Variants in SVIL observed in about 807,000 individuals in gnomAD.
The protein encoded by SVIL is archvillin.
Under a neutral mutation model 240.4 loss-of-function variants are expected in SVIL, and 101 were observed. The observed-to-expected ratio is 0.42, with a 90% CI of 0.36 to 0.50. The LOEUF is 0.50. SVIL is among the 20% of genes least tolerant of loss of function. The pLI is 0.01. For missense variants in SVIL, 2,512 were observed against 2,818.7 expected (o/e 0.89, Z 2.46); for synonymous variants, 999 against 1,100.0 (o/e 0.91, Z 1.82).
chr10:29,526,305 C>CTTTTTTT (rs36004446), intron 13 of SVIL, among the ~76,000 whole-genome samples: 56 of 114,994 alleles, frequency 4.9e-4, no homozygotes, highest in Non-Finnish European at 6.7e-4. Flanking sequence ...TTTTCTCTTT[C>CTTTTTTT]TTTTTTTTTT....
intron 1 of SVIL, among the ~76,000 whole-genome samples, chr10:29,717,376 G>A (rs1462059116): frequency 6.6e-6 from 1 of 151,572 alleles, no homozygotes; most frequent in Non-Finnish European, 1.5e-5. Context: ...AGCTAGAGAG[G>A]CAGGAGAATT....
intron 34 of SVIL, among the ~76,000 whole-genome samples, chr10:29,464,629 A>G (rs953963520): frequency 1.3e-5 from 2 of 152,036 alleles, no homozygotes; most frequent in East Asian, 3.9e-4. Flanking sequence ...CCACACTTTA[A>G]AAGCCCAGTG....
At chr10:29,526,414 C>T (rs978313038) in intron 13 of SVIL, among the ~76,000 whole-genome samples, 11 of 149,124 alleles carry the variant, frequency 7.4e-5, no homozygotes, top group African/African-American at 2.7e-4. Flanking sequence ...AAGCGATTCT[C>T]CTGCCTCAGT....
chr10:29,609,317 C>A (rs533772513), intron 1 of SVIL, among the ~76,000 whole-genome samples: 2 of 152,214 alleles, frequency 1.3e-5, no homozygotes, highest in Non-Finnish European at 2.9e-5. Context: ...GGGGCCCAGA[C>A]CTCAGAGCTG....
chr10:29,709,513 G>A (rs1456677455), intron 1 of SVIL, among the ~76,000 whole-genome samples: 1 of 152,202 alleles, frequency 6.6e-6, no homozygotes, highest in Non-Finnish European at 1.5e-5. Flanking sequence ...CGTGGTCAAT[G>A]TCTCTCCTTT....
At chr10:29,710,243 A>G (rs1179128931) in intron 1 of SVIL, among the ~76,000 whole-genome samples, 2 of 152,078 alleles carry the variant, frequency 1.3e-5, no homozygotes, top group Non-Finnish European at 1.5e-5. Context: ...TCGTAGAGAC[A>G]GGGTTTCACT....
chr10:29,550,194 C>G (rs1953159469), intron 6 of SVIL, among the ~76,000 whole-genome samples: 1 of 151,734 alleles, frequency 6.6e-6, no homozygotes, highest in Non-Finnish European at 1.5e-5. Flanking sequence ...TCCCAGTGCA[C>G]TGGGAGGTCA....
chr10:29,705,254 G>A (rs1353591903), intron 1 of SVIL, among the ~76,000 whole-genome samples: 2 of 152,220 alleles, frequency 1.3e-5, no homozygotes, highest in Non-Finnish European at 2.9e-5. Context: ...AAAGGATAAA[G>A]GTGTGTGTGG....
At chr10:29,609,525 G>A (rs1455255605) in intron 1 of SVIL, among the ~76,000 whole-genome samples, 5 of 152,224 alleles carry the variant, frequency 3.3e-5, no homozygotes, top group Non-Finnish European at 7.3e-5. Flanking sequence ...AAGAAGTAGA[G>A]AAGAGCTGCA....
intron 3 of SVIL, among the ~76,000 whole-genome samples, chr10:29,562,275 T>C (rs1387137723): frequency 3.9e-5 from 6 of 152,224 alleles, no homozygotes; most frequent in African/African-American, 1.4e-4. Context: ...AATGTTTACA[T>C]CATTTCACTG....
chr10:29,569,213 A>T, intron 2 of SVIL, 42 bp downstream of exon 2: 1 of 940,262 alleles, frequency 1.1e-6, no homozygotes, highest in Non-Finnish European at 1.3e-6. Context: ...AGCTACAACA[A>T]ATCTTCAAAA....
At chr10:29,644,345 C>T (rs1958586613) in intron 3 of SVIL, among the ~76,000 whole-genome samples, 1 of 152,176 alleles carries the variant, frequency 6.6e-6, no homozygotes, top group Admixed American at 6.5e-5. Flanking sequence ...GGAGCATCAT[C>T]TATACCTTAG....
chr10:29,670,068 T>C, intron 2 of SVIL, among the ~76,000 whole-genome samples: 1 of 151,802 alleles, frequency 6.6e-6, no homozygotes, highest in Non-Finnish European at 1.5e-5. Flanking sequence ...TGAGCCATGA[T>C]TGCACCACTG....
chr10:29,477,717 G>A (rs543451916), intron 29 of SVIL, among the ~76,000 whole-genome samples: 2 of 152,322 alleles, frequency 1.3e-5, no homozygotes, highest in South Asian at 4.1e-4. Flanking sequence ...TCTGGAATCT[G>A]AATGCTCCCT....
chr10:29,626,733 TAAAG>T (rs1957885744), intron 1 of SVIL, among the ~76,000 whole-genome samples: 1 of 152,092 alleles, frequency 6.6e-6, no homozygotes, highest in African/African-American at 2.4e-5. Context: ...CTTTCCAAAA[TAAAG>T]AATCAGGCTG....
chr10:29,611,667 T>A (rs1957248201), intron 1 of SVIL, among the ~76,000 whole-genome samples: 1 of 152,130 alleles, frequency 6.6e-6, no homozygotes, highest in Non-Finnish European at 1.5e-5. Context: ...TTGTCAGATG[T>A]GGTTAAAAGG....
Position 29,486,536 on chromosome 10 carries a change from T to C in SVIL, c.4507A>G (p.Ile1503Val). 1 of 1,614,174 alleles carries C rather than the reference T, an allele frequency of 6.2e-7. No individual in the cohort carries two copies. The highest frequency in any genetic ancestry group is 8.5e-7 in the Non-Finnish European group (1 of 1,180,042). Residue 1503 changes from isoleucine (I) to valine (V), a missense_variant, in exon 25 of 38, where the codon ATT becomes GTT. By Grantham distance (29) the Ile-to-Val change is conservative. Coordinates refer to ENST00000355867, the MANE Select transcript of SVIL (RefSeq NM_021738.3). ...CAACCAAGTTCCCTCTTTGTCTGAA[T>C]TAAAGTTGCAAGTTCTGAGGCCTAA... ...KAKASELATL[I>V]QTKRELGCRA...
chr10:29,467,559 G>A (rs1163209797), intron 33 of SVIL, among the ~76,000 whole-genome samples, 183 bp downstream of exon 33: 4 of 152,052 alleles, frequency 2.6e-5, no homozygotes, highest in African/African-American at 9.7e-5. Context: ...AACATGAATG[G>A]GGCACAGTGG....
intron 1 of SVIL, among the ~76,000 whole-genome samples, chr10:29,725,509 G>C (rs1296683663): frequency 6.6e-6 from 1 of 152,038 alleles, no homozygotes. Flanking sequence ...ACACAGATGT[G>C]TCCTAGCAGG....
Sources: gnomAD v4.1 joint callset for allele counts (sites outside exome capture counted in the v4.1 genomes callset) on GRCh38, gnomAD v4.1.1 for gene constraint, MANE v1.5 for transcripts, NCBI Gene and HGNC (gene_info 2026-07-23, HGNC 2026-07-21) for gene names.